The following SEC63 variants were observed in gnomAD, a reference collection of about 807,000 sequenced individuals.
SEC63 encodes the protein SEC63 protein translocation regulator.
In SEC63, 56 loss-of-function variants were observed where a neutral mutation model predicts 116.2. The ratio of observed to expected loss-of-function variants is 0.48; its 90% CI spans 0.39 to 0.60. The LOEUF is 0.60. SEC63 is among the 20% of genes least tolerant of loss of function. The pLI is 0.00. For synonymous variants in SEC63, 273 were observed against 294.6 expected, an observed-to-expected ratio of 0.93 and a Z score of 0.75; for missense variants, 668 against 900.0, an observed-to-expected ratio of 0.74 and a Z score of 3.30.
chr6:107,906,834 C>T (rs1562323893), intron 8 of SEC63, 57 bp from the exon 9 acceptor site: 33 of 1,268,866 alleles, frequency 2.6e-5, no homozygotes, highest in South Asian at 4.8e-5. Context: ...TTAATTCCCC[C>T]TCCTGAGATA....
chr6:107,930,021 T>C (rs1160994277), intron 1 of SEC63: 1 of 158,600 alleles, frequency 6.3e-6, no homozygotes, highest in Non-Finnish European at 1.4e-5. Context: ...AGCTGTAACA[T>C]AAAATCAACT....
At chr6:107,915,916 G>A (rs1787390204) in intron 4 of SEC63, among the ~76,000 whole-genome samples, 1 of 152,024 alleles carries the variant, frequency 6.6e-6, no homozygotes, top group Admixed American at 6.6e-5. Context: ...TTTTTCATTG[G>A]TCTTACAGAA....
chr6:107,920,016 C>T (rs1458724642), intron 4 of SEC63, among the ~76,000 whole-genome samples: 1 of 152,142 alleles, frequency 6.6e-6, no homozygotes, highest in Non-Finnish European at 1.5e-5. Context: ...CAGCCATCAA[C>T]ATCAAGGCAA....
chr6:107,885,350 T>C (rs936746914), intron 16 of SEC63, among the ~76,000 whole-genome samples: 1 of 152,196 alleles, frequency 6.6e-6, no homozygotes, highest in African/African-American at 2.4e-5. Flanking sequence ...AAGCAACTAT[T>C]TCTATACACC....
chr6:107,922,294 A>T (rs1410313082), intron 3 of SEC63, among the ~76,000 whole-genome samples: 1 of 152,256 alleles, frequency 6.6e-6, no homozygotes, highest in Non-Finnish European at 1.5e-5. Context: ...ACCTGAGGTC[A>T]GGAGTTCAAG....
chr6:107,893,710 G>A, intron 15 of SEC63, 55 bp from the exon 16 acceptor site: 3 of 1,606,048 alleles, frequency 1.9e-6, no homozygotes, highest in South Asian at 2.2e-5. Flanking sequence ...TCAATTGAAG[G>A]TTGTAGTAAT....
At chr6:107,944,650 T>A (rs550784682) in intron 1 of SEC63, among the ~76,000 whole-genome samples, 6 of 152,116 alleles carry the variant, frequency 3.9e-5, no homozygotes, top group African/African-American at 1.4e-4. Flanking sequence ...TGAGCCGCGA[T>A]CACACCACTG....
At chr6:107,892,537 A>G (rs951441420) in intron 16 of SEC63, among the ~76,000 whole-genome samples, 29 of 152,224 alleles carry the variant, frequency 1.9e-4, no homozygotes, top group African/African-American at 6.8e-4. Context: ...CATCGATGAA[A>G]GATGACCTCA....
At chr6:107,886,753 A>G (rs1471047239) in intron 16 of SEC63, among the ~76,000 whole-genome samples, 2 of 151,454 alleles carry the variant, frequency 1.3e-5, no homozygotes, top group African/African-American at 4.8e-5. Context: ...GATTCTGGCT[A>G]TCAGCCCTGT....
intron 1 of SEC63, among the ~76,000 whole-genome samples, chr6:107,950,945 C>A (rs1562342824): frequency 6.6e-6 from 1 of 152,158 alleles, no homozygotes; most frequent in Non-Finnish European, 1.5e-5. Context: ...TCAGATAATA[C>A]TCTTGTCAAA....
chr6:107,904,988 T>G (rs1307068393), intron 10 of SEC63, among the ~76,000 whole-genome samples: 1 of 152,150 alleles, frequency 6.6e-6, no homozygotes, highest in Non-Finnish European at 1.5e-5. Flanking sequence ...CTGGGCATGG[T>G]GGCTCACGCC....
intron 14 of SEC63, among the ~76,000 whole-genome samples, chr6:107,895,282 C>A (rs1458848800): frequency 2.0e-5 from 3 of 152,180 alleles, no homozygotes; most frequent in Non-Finnish European, 4.4e-5. Context: ...GGATTCTAAA[C>A]CCAATTTCAG....
chr6:107,913,125 AT>A lies in SEC63; in HGVS notation c.514+240del, dbSNP rs552335533. Among the ~76,000 whole-genome samples, 19 of 152,312 alleles carry A rather than the reference AT, an allele frequency of 1.2e-4. 1 individual carries two copies. In the South Asian group the frequency reaches 2.9e-3, roughly 23 times the overall value. On this transcript the variant is annotated intron_variant, in intron 5 of 20. Transcript: ENST00000369002. Reference sequence around the variant, plus strand: ...ATAAGATTTTTTCCTCCAAATTTTTATCAACTAGTAATTGGAAATGATAGTG... The same window carrying A: ...ATAAGATTTTTTCCTCCAAATTTTTACAACTAGTAATTGGAAATGATAGTG...
rs764041112 is a variant in SEC63, at chr6:107,904,635, G to A, written c.1048C>T (p.Arg350Cys). The A allele has an allele frequency of 4.4e-6, 7 of 1,607,352 alleles. No individual in the cohort carries two copies. The highest frequency in any genetic ancestry group is 1.3e-5 in the African/African-American group (1 of 74,760). ...AACTATATTTCCTCCTCACCTTCAC[G>A]GTTCCGGGCCATTACTATTAGTTGG... is the stretch of plus-strand genomic sequence containing the variant. ...ICQLIVMARN[R>C]EEREFRAPTL... Residue 350 changes from arginine (R) to cysteine (C), a missense_variant, in exon 11 of 21, where the codon CGT becomes TGT. This residue lies in a region of SEC63 where 430 missense variants were observed against 557.5 expected (regional missense o/e 0.77). Transcript: ENST00000369002.
At chr6:107,942,098 ATTC>A (rs1387606049) in intron 1 of SEC63, among the ~76,000 whole-genome samples, 9 of 152,342 alleles carry the variant, frequency 5.9e-5, no homozygotes, top group African/African-American at 2.2e-4. Flanking sequence ...TATACCTACC[ATTC>A]TATAATTAGA....
Position 107,869,882 on chromosome 6 carries a change from T to G in SEC63, c.*1822A>C, listed in dbSNP as rs925457526. 7.9e-6 allele frequency: 1 copy of G among 125,982 alleles called. No individual in the cohort carries two copies. The highest frequency in any genetic ancestry group is 1.7e-5 in the Non-Finnish European group (1 of 60,088). The allele number at this position is 125,982 out of a possible 1,614,324, so 7.8% of individuals were successfully genotyped here. A position where few individuals can be genotyped will look rare whatever the true frequency, so the allele number is the denominator to read the frequency against. ...GTGTGAATGAACTTATAAAGCCTCT[T>G]TAAGGCAAAGTAGCCACTAGAAAAA... On this transcript the variant is annotated 3_prime_UTR_variant, in exon 21 of 21. Coordinates refer to ENST00000369002, the MANE Select transcript of SEC63 (RefSeq NM_007214.5).
chr6:107,909,938 G>A (rs1283331654), intron 7 of SEC63, among the ~76,000 whole-genome samples: 1 of 152,130 alleles, frequency 6.6e-6, no homozygotes, highest in Non-Finnish European at 1.5e-5. Context: ...GTATTATACA[G>A]CTGTTTTAAA....
intron 4 of SEC63, among the ~76,000 whole-genome samples, chr6:107,920,024 C>G (rs2818192): frequency 0.091 from 13,902 of 152,106 alleles, 2,103 homozygotes; most frequent in African/African-American, 0.31. Flanking sequence ...AACATCAAGG[C>G]AAGACCCTCC....
chr6:107,929,339 C>G (rs1787746288), intron 2 of SEC63, 76 bp downstream of exon 2: 1 of 772,656 alleles, frequency 1.3e-6, no homozygotes, highest in Admixed American at 2.0e-5. Context: ...ACTTATTCAT[C>G]ATTACACGTA....
Sources: allele counts gnomAD v4.1 joint callset (sites outside exome capture counted in the v4.1 genomes callset), GRCh38; gene constraint gnomAD v4.1.1; regional missense constraint gnomAD v4.1.1; transcripts MANE v1.5; gene names NCBI Gene and HGNC (gene_info 2026-07-23, HGNC 2026-07-21).